CSMD1: variants seen among roughly 807,000 people sequenced by gnomAD.
CSMD1 encodes CUB and Sushi multiple domains 1, also known as CUB and sushi domain-containing protein 1.
Under a neutral mutation model 417.5 loss-of-function variants are expected in CSMD1, and 213 were observed. The observed-to-expected ratio is 0.51, with a 90% confidence interval of 0.46 to 0.57. CSMD1 has a LOEUF of 0.57. Among genes scored for constraint, CSMD1 ranks in the 20% least tolerant of loss-of-function variants. The pLI is 0.00. For missense variants in CSMD1, 6,923 were observed against 4,529.7 expected (o/e 1.53, Z -15.17); for synonymous variants, 2,862 against 1,736.8 (o/e 1.65, Z -16.11).
At chr8:4,094,519 C>T (rs977976389) in intron 3 of CSMD1, among the ~76,000 whole-genome samples, 6 of 152,154 alleles carry the variant, frequency 3.9e-5, no homozygotes, top group Non-Finnish European at 8.8e-5. Context: ...AGGAATCTAA[C>T]TTTCAGATTA....
chr8:4,058,913 A>G (rs1429546350), intron 3 of CSMD1, among the ~76,000 whole-genome samples: 6 of 152,068 alleles, frequency 3.9e-5, no homozygotes, highest in Non-Finnish European at 7.3e-5. Context: ...GATACCCAGG[A>G]ATTGAACTCA....
chr8:4,988,155 T>C (rs1018086819), intron 1 of CSMD1, among the ~76,000 whole-genome samples: 1 of 152,264 alleles, frequency 6.6e-6, no homozygotes, highest in Admixed American at 6.5e-5. Flanking sequence ...GTTTATGTTC[T>C]TGATCTCATG....
At chr8:3,727,676 A>G (rs187263496) in intron 6 of CSMD1, among the ~76,000 whole-genome samples, 22 of 152,344 alleles carry the variant, frequency 1.4e-4, no homozygotes, top group African/African-American at 4.6e-4. Context: ...TCAAGTTTAA[A>G]ACAGCATTAT....
intron 23 of CSMD1, among the ~76,000 whole-genome samples, chr8:3,322,767 G>C (rs972516349): frequency 2.0e-5 from 3 of 152,104 alleles, no homozygotes; most frequent in African/African-American, 7.2e-5. Flanking sequence ...TACTTAACCC[G>C]CAAACCTCAA....
At chr8:3,705,207 A>G (rs534254156) in intron 7 of CSMD1, among the ~76,000 whole-genome samples, 6,622 of 152,274 alleles carry the variant, frequency 0.043, 216 homozygotes, top group South Asian at 0.071. Context: ...TTCTGCACTG[A>G]AGGCAACAAG....
chr8:4,047,379 A>C (rs968174700), intron 3 of CSMD1, among the ~76,000 whole-genome samples: 3 of 152,212 alleles, frequency 2.0e-5, no homozygotes, highest in African/African-American at 4.8e-5. Context: ...GAATAGGAAC[A>C]ATCTTGGAAA....
intron 1 of CSMD1, among the ~76,000 whole-genome samples, chr8:4,903,914 A>C (rs530490530): frequency 3.9e-5 from 6 of 152,356 alleles, no homozygotes; most frequent in African/African-American, 1.4e-4. Flanking sequence ...GACATTGAAG[A>C]CTATATTTCC....
At chr8:3,276,916 T>G (rs1366175468) in intron 26 of CSMD1, among the ~76,000 whole-genome samples, 1 of 152,124 alleles carries the variant, frequency 6.6e-6, no homozygotes. Context: ...TCCACTGTAT[T>G]AATAAAATGG....
At chr8:2,994,480 T>C (rs146461406) in intron 54 of CSMD1, among the ~76,000 whole-genome samples, 1,552 of 152,270 alleles carry the variant, frequency 0.01, 13 homozygotes, top group Non-Finnish European at 0.015. Flanking sequence ...GTTCCCAAAA[T>C]GAGCACCAGT....
chr8:3,179,479 C>G (rs1197441131), intron 37 of CSMD1, among the ~76,000 whole-genome samples: 3 of 152,234 alleles, frequency 2.0e-5, no homozygotes, highest in Non-Finnish European at 2.9e-5. Context: ...ATGTTAGTCT[C>G]TCTTTTTTAA....
chr8:3,892,128 A>T (rs914797396), intron 5 of CSMD1, among the ~76,000 whole-genome samples: 1 of 103,460 alleles, frequency 9.7e-6, no homozygotes, highest in Non-Finnish European at 2.4e-5. Flanking sequence ...AAGCTCTAAG[A>T]TAATATCAGT....
intron 5 of CSMD1, among the ~76,000 whole-genome samples, chr8:3,945,782 T>C (rs1418568742): frequency 2.0e-5 from 3 of 152,142 alleles, no homozygotes; most frequent in Middle Eastern, 3.4e-3. Flanking sequence ...TGAAAGTAGA[T>C]GAGAAGCAAT....
chr8:2,938,459 T>C lies in CSMD1; in HGVS notation c.*126A>G, dbSNP rs577656509. The C allele has an allele frequency of 1.4e-5, 12 of 874,834 alleles. No individual in the cohort carries two copies. The highest frequency in any genetic ancestry group is 1.0e-4 in the African/African-American group (6 of 58,866). 54.2% of individuals were successfully genotyped at this position (874,834 alleles called of 1,614,324 possible). A position where few individuals can be genotyped will look rare whatever the true frequency, so the allele number is the denominator to read the frequency against. ...GAGATCCCCGCTGCACTTATGCCAG[T>C]AGACAAGGTTGAAGATCGCTGCAGT... On this transcript the variant is annotated 3_prime_UTR_variant, in exon 70 of 70. Transcript: ENST00000635120.
chr8:4,078,776 C>T (rs187270567), intron 3 of CSMD1, among the ~76,000 whole-genome samples: 2 of 150,316 alleles, frequency 1.3e-5, no homozygotes, highest in African/African-American at 4.9e-5. Context: ...TGGCTTACAC[C>T]TGTAATCCTA....
intron 41 of CSMD1, among the ~76,000 whole-genome samples, chr8:3,134,472 G>C (rs746103754): frequency 3.3e-5 from 5 of 152,236 alleles, no homozygotes; most frequent in African/African-American, 9.6e-5. Context: ...CGTAAAACTT[G>C]AGAGGAGCAG....
intron 5 of CSMD1, among the ~76,000 whole-genome samples, chr8:3,774,232 C>G (rs1798777462): frequency 6.6e-6 from 1 of 152,124 alleles, no homozygotes; most frequent in South Asian, 2.1e-4. Flanking sequence ...ACTTTTGGCT[C>G]AAATGCCACT....
chr8:3,532,342 C>T (rs781219800), intron 10 of CSMD1, among the ~76,000 whole-genome samples: 2 of 152,108 alleles, frequency 1.3e-5, no homozygotes, highest in South Asian at 2.1e-4. Context: ...AATCTCCTGG[C>T]TATTGGCACA....
At chr8:3,785,505 G>T (rs1056411582) in intron 5 of CSMD1, among the ~76,000 whole-genome samples, 7 of 152,180 alleles carry the variant, frequency 4.6e-5, no homozygotes, top group Non-Finnish European at 8.8e-5. Context: ...ATACATTAAC[G>T]GCAGTCAAAC....
intron 3 of CSMD1, among the ~76,000 whole-genome samples, chr8:4,229,881 C>G (rs899774453): frequency 6.6e-6 from 1 of 152,132 alleles, no homozygotes; most frequent in Non-Finnish European, 1.5e-5. Context: ...GTGTTGAAAT[C>G]TGTGTATCGC....
Sources: gnomAD v4.1 joint callset for allele counts (sites outside exome capture counted in the v4.1 genomes callset) on GRCh38, gnomAD v4.1.1 for gene constraint, MANE v1.5 for transcripts, NCBI Gene and HGNC (gene_info 2026-07-23, HGNC 2026-07-21) for gene names.